MYH15: variants seen among roughly 807,000 people sequenced by gnomAD.
The protein encoded by MYH15 is myosin heavy chain 15.
MYH15 carries 227 observed loss-of-function variants against 240.5 expected under a neutral mutation model. The ratio of observed to expected loss-of-function variants is 0.94; its 90% CI spans 0.85 to 1.05. The LOEUF (loss-of-function observed/expected upper bound fraction) is 1.05, where lower values mean the gene tolerates loss of function less well. Among genes scored for constraint, MYH15 ranks in the 50% least tolerant of loss-of-function variants. The probability of loss-of-function intolerance (pLI) is 0.00; values close to 1 mark genes in which losing one functional copy is unlikely to be tolerated. For missense variants in MYH15, 2,217 were observed against 2,247.5 expected, an observed-to-expected ratio of 0.99 and a Z score of 0.27; for synonymous variants, 785 against 796.7, an observed-to-expected ratio of 0.99 and a Z score of 0.25.
chr3:108,410,745 G>A lies in MYH15; in HGVS notation c.4333C>T (p.Leu1445Phe). The A allele has an allele frequency of 6.2e-7, 1 of 1,614,150 alleles. No homozygotes were observed. The highest frequency in any genetic ancestry group is 8.5e-7 in the Non-Finnish European group (1 of 1,180,042). ...TCGTGCTTCTGCTTCCAGTCGGCAA[G>A]GGCCTTGCCAGACTGCAGCTGCTTC... ...DQKQLQSGKA[L>F]ADWKQKHEES... The change falls in exon 31 of 41, where the codon CTT (leucine) becomes TTT (phenylalanine). Residue 1445 changes from leucine to phenylalanine, a missense_variant. Physicochemically the swap from Leu to Phe is conservative, Grantham distance 22 (BLOSUM62 0). Transcript: ENST00000693548.
intron 35 of MYH15, among the ~76,000 whole-genome samples, chr3:108,394,808 G>A (rs1178345184): frequency 6.6e-6 from 1 of 152,148 alleles, no homozygotes; most frequent in Non-Finnish European, 1.5e-5. Context: ...CTGCTATTTG[G>A]TCTGTGTTTG....
chr3:108,424,149 A>C (rs2082708237), intron 27 of MYH15, among the ~76,000 whole-genome samples: 3 of 152,224 alleles, frequency 2.0e-5, no homozygotes, highest in Admixed American at 1.3e-4. Flanking sequence ...AATGGTAAGA[A>C]AAAGAGCCAA....
At chr3:108,414,177 C>A in intron 30 of MYH15, 55 bp downstream of exon 30, 2 of 1,551,532 alleles carry the variant, frequency 1.3e-6, no homozygotes, top group South Asian at 1.2e-5. Context: ...AGTCATTATT[C>A]TCATACTGCT....
chr3:108,475,012 T>C (rs1385197024), intron 12 of MYH15, among the ~76,000 whole-genome samples: 1 of 152,190 alleles, frequency 6.6e-6, no homozygotes, highest in Non-Finnish European at 1.5e-5. Context: ...GGTAGAATTA[T>C]CCATTTATAG....
chr3:108,412,560 T>A (rs1046390596), intron 30 of MYH15, among the ~76,000 whole-genome samples: 1 of 152,224 alleles, frequency 6.6e-6, no homozygotes, highest in Non-Finnish European at 1.5e-5. Flanking sequence ...CAGGGCAAAC[T>A]GGACAAACTG....
chr3:108,513,260 G>A (rs1387085484), upstream of MYH15, among the ~76,000 whole-genome samples: 1 of 152,126 alleles, frequency 6.6e-6, no homozygotes, highest in African/African-American at 2.4e-5. Flanking sequence ...TCTACATGTT[G>A]AAAGGAAATT....
At chr3:108,393,932 C>T in intron 36 of MYH15, 99 bp downstream of exon 36, 1 of 1,541,962 alleles carries the variant, frequency 6.5e-7, no homozygotes, top group Non-Finnish European at 8.9e-7. Context: ...TATGGGAAAT[C>T]AATGGAATAC....
chr3:108,451,484 CAAG>C (rs1280467764), intron 21 of MYH15, among the ~76,000 whole-genome samples: 4 of 151,968 alleles, frequency 2.6e-5, no homozygotes, highest in African/African-American at 9.7e-5. Context: ...TGCACTAATT[CAAG>C]AAGAAAATAT....
chr3:108,528,356 T>C (rs2083689264), intron 1 of MYH15, among the ~76,000 whole-genome samples: 1 of 152,186 alleles, frequency 6.6e-6, no homozygotes, highest in African/African-American at 2.4e-5. Context: ...GGCCATATCA[T>C]TGGAAGACTA....
At chr3:108,498,469 A>T (rs1434238344) in intron 5 of MYH15, among the ~76,000 whole-genome samples, 1 of 152,206 alleles carries the variant, frequency 6.6e-6, no homozygotes, top group Non-Finnish European at 1.5e-5. Context: ...CCTCATTACC[A>T]GCTGTTCAAG....
intron 30 of MYH15, among the ~76,000 whole-genome samples, chr3:108,411,984 G>A (rs757328834): frequency 6.6e-6 from 1 of 152,156 alleles, no homozygotes; most frequent in Non-Finnish European, 1.5e-5. Flanking sequence ...AACGTTAAGA[G>A]GATATTCTGA....
chr3:108,514,198 C>A (rs2083542971), upstream of MYH15, among the ~76,000 whole-genome samples: 1 of 152,114 alleles, frequency 6.6e-6, no homozygotes, highest in South Asian at 2.1e-4. Context: ...CCCTGTCTTC[C>A]CGGAACTGAG....
intron 21 of MYH15, among the ~76,000 whole-genome samples, chr3:108,452,505 C>G (rs1482346468): frequency 6.6e-6 from 1 of 151,726 alleles, no homozygotes; most frequent in East Asian, 1.9e-4. Context: ...AATAATCTAG[C>G]CCTAGATTCA....
intron 37 of MYH15, among the ~76,000 whole-genome samples, chr3:108,390,996 T>C (rs1028785925): frequency 6.6e-6 from 1 of 152,232 alleles, no homozygotes; most frequent in African/African-American, 2.4e-5. Flanking sequence ...ATTCTCCCAC[T>C]TTCTTGAACA....
In MYH15 at chr3:108,421,179, C is replaced by G; in HGVS notation, c.3738G>C (p.Glu1246Asp). ...GCTTTGCAGTTGCTTCATGCAAGCGCTCTTCATATAGAGTACAGAGTTTCT... is the reference window on the plus strand; with the variant it reads ...GCTTTGCAGTTGCTTCATGCAAGCGGTCTTCATATAGAGTACAGAGTTTCT... Reference protein sequence around the residue: ...NAEKLCTLYEERLHEATAKLD... With the variant: ...NAEKLCTLYEDRLHEATAKLD... The change falls in exon 28 of 41, where the codon GAG becomes GAC. Residue 1246 changes from glutamate to aspartate, a missense_variant. Coordinates refer to ENST00000693548, the MANE Select transcript of MYH15 (RefSeq NM_014981.3). 6.2e-7 allele frequency: 1 copy of G among 1,613,796 alleles called. No individual in the cohort carries two copies. Among genetic ancestry groups the G allele is most frequent in the Non-Finnish European group, 8.5e-7 (1 of 1,179,972 alleles).
rs754788223 is a variant in MYH15 at position 108,437,626 on chromosome 3, T to C, written c.3149A>G (p.Asn1050Ser). 1.2e-6 allele frequency: 2 copies of C among 1,614,122 alleles called. No individual in the cohort carries two copies. Among genetic ancestry groups the C allele is most frequent in the East Asian group, 4.5e-5 (2 of 44,872 alleles). Residue 1050 changes from asparagine (N) to serine (S), a missense_variant, in exon 25 of 41, where the codon AAT becomes AGT. Asn to Ser is a conservative substitution (Grantham distance 46). Transcript: ENST00000693548. ...CATACTTTCCCGATTCAGCTTTAAA[T>C]TGCCCTCCAGTTTGTGCAGTTCCCT... ...CERELHKLEG[N>S]LKLNRESMEN...
intron 40 of MYH15, among the ~76,000 whole-genome samples, chr3:108,382,764 T>TA (rs1271044934): frequency 1.3e-5 from 2 of 151,724 alleles, no homozygotes; most frequent in African/African-American, 2.4e-5. Context: ...GCACCACGTT[T>TA]AAAAAAAAAA....
the MYH15 span, chr3:108,549,970 C>G: frequency 6.6e-6 from 1 of 151,892 alleles, no homozygotes; most frequent in South Asian, 2.1e-4. Flanking sequence ...GAATGTATCT[C>G]CTCTATAGAA....
At chr3:108,517,427 G>A (rs1318106365) in intron 1 of MYH15, among the ~76,000 whole-genome samples, 1 of 152,102 alleles carries the variant, frequency 6.6e-6, no homozygotes, top group African/African-American at 2.4e-5. Flanking sequence ...CTGACTCCCG[G>A]GTTCAAGTGA....
Sources: allele counts gnomAD v4.1 joint callset (sites outside exome capture counted in the v4.1 genomes callset), GRCh38; gene constraint gnomAD v4.1.1; transcripts MANE v1.5; gene names NCBI Gene and HGNC (gene_info 2026-07-23, HGNC 2026-07-21).